Variants in TBC1D1 observed in about 807,000 individuals in gnomAD.
The protein encoded by TBC1D1 is TBC1 domain family member 1.
A neutral mutation model predicts 125.6 loss-of-function variants in TBC1D1; 89 were observed. The observed-to-expected ratio is 0.71, with a 90% CI of 0.60 to 0.85. The LOEUF (loss-of-function observed/expected upper bound fraction) is 0.85. Ranked by LOEUF, TBC1D1 falls within the 40% of genes least tolerant of loss-of-function variation. The pLI, the probability that TBC1D1 is intolerant of heterozygous loss-of-function variation, is 0.00. For missense variants in TBC1D1, 1,377 were observed against 1,469.2 expected (o/e 0.94, Z 1.03); for synonymous variants, 565 against 564.1 (o/e 1.00, Z -0.02).
At chr4:38,040,071 A>T (rs1748051826) in intron 8 of TBC1D1, among the ~76,000 whole-genome samples, 1 of 152,178 alleles carries the variant, frequency 6.6e-6, no homozygotes, top group Non-Finnish European at 1.5e-5. Context: ...ATTATTTTTT[A>T]AATGCAATTT....
intron 15 of TBC1D1, among the ~76,000 whole-genome samples, chr4:38,109,658 A>G (rs950538319): frequency 8.3e-5 from 12 of 144,220 alleles, no homozygotes; most frequent in Admixed American, 8.3e-4. Context: ...GACTCATTCA[A>G]GTGTTTCCCA....
chr4:38,000,485 C>T (rs1403834701), intron 2 of TBC1D1, among the ~76,000 whole-genome samples: 1 of 152,180 alleles, frequency 6.6e-6, no homozygotes, highest in Non-Finnish European at 1.5e-5. Flanking sequence ...CTCTGATGAG[C>T]ATTTCCTTTG....
intron 2 of TBC1D1, among the ~76,000 whole-genome samples, chr4:37,925,185 C>T (rs1194046129): frequency 1.3e-5 from 2 of 152,194 alleles, no homozygotes; most frequent in African/African-American, 2.4e-5. Context: ...TGTTCTCTCC[C>T]GTGAATTCGA....
At chr4:37,964,652 G>A (rs1403248957) in intron 2 of TBC1D1, among the ~76,000 whole-genome samples, 1 of 152,188 alleles carries the variant, frequency 6.6e-6, no homozygotes, top group Admixed American at 6.5e-5. Context: ...ACAAGGGGCA[G>A]CCTACTGCGG....
chr4:38,103,928 G>A (rs111786577), intron 15 of TBC1D1, among the ~76,000 whole-genome samples: 7,077 of 151,978 alleles, frequency 0.047, 581 homozygotes, highest in African/African-American at 0.16. Context: ...GGGAGGCCAA[G>A]GCTGGTGGAT....
intron 19 of TBC1D1, among the ~76,000 whole-genome samples, chr4:38,136,286 G>A (rs16994259): frequency 0.062 from 9,404 of 152,238 alleles, 712 homozygotes; most frequent in African/African-American, 0.18. Flanking sequence ...TGAGGATGTA[G>A]ACTGAGTGAG....
intron 15 of TBC1D1, among the ~76,000 whole-genome samples, chr4:38,106,731 T>C (rs191702896): frequency 6.6e-6 from 1 of 152,290 alleles, no homozygotes; most frequent in East Asian, 1.9e-4. Flanking sequence ...CAGCCCCTGC[T>C]TCTTGTTGCT....
At chr4:37,976,145 A>C (rs1402636852) in intron 2 of TBC1D1, among the ~76,000 whole-genome samples, 1 of 152,196 alleles carries the variant, frequency 6.6e-6, no homozygotes, top group Non-Finnish European at 1.5e-5. Flanking sequence ...GGGGATACAA[A>C]CTGCCATTTT....
At chr4:38,107,585 T>G (rs1227232237) in intron 15 of TBC1D1, among the ~76,000 whole-genome samples, 1 of 142,406 alleles carries the variant, frequency 7.0e-6, no homozygotes, top group Non-Finnish European at 1.5e-5. Context: ...AGGTTTTTTT[T>G]TTTTTTTTTT....
chr4:37,934,539 G>A lies in TBC1D1; in HGVS notation c.417+32027G>A, dbSNP rs181208488. Among the ~76,000 whole-genome samples, 255 of 152,300 alleles carry A rather than the reference G, an allele frequency of 1.7e-3. 1 individual carries two copies. The highest frequency in any genetic ancestry group is 5.0e-3 in the South Asian group (24 of 4,820). ...CGTCATCCGTCCTGGTTGTGTCCCA[G>A]GCCTGAGAGTTGATGCATATGGCTT... On this transcript the variant is annotated intron_variant, in intron 2 of 19. Coordinates refer to ENST00000261439, the MANE Select transcript of TBC1D1 (RefSeq NM_015173.4).
intron 19 of TBC1D1, among the ~76,000 whole-genome samples, chr4:38,136,594 T>G (rs147176088): frequency 3.9e-5 from 6 of 152,312 alleles, no homozygotes; most frequent in Non-Finnish European, 7.4e-5. Flanking sequence ...AATTTCAGAT[T>G]AGAGGATTGT....
At chr4:38,018,071 G>A (rs1249773069) in intron 3 of TBC1D1, among the ~76,000 whole-genome samples, 2 of 152,148 alleles carry the variant, frequency 1.3e-5, no homozygotes, top group Admixed American at 1.3e-4. Flanking sequence ...TCACTTATGC[G>A]GAGACCTCAG....
At chr4:38,059,242 G>C (rs1427924887) in intron 12 of TBC1D1, among the ~76,000 whole-genome samples, 4 of 152,110 alleles carry the variant, frequency 2.6e-5, no homozygotes, top group African/African-American at 9.7e-5. Flanking sequence ...ACAGTGACCA[G>C]TTGGTCTCTT....
intron 12 of TBC1D1, among the ~76,000 whole-genome samples, chr4:38,088,749 C>T (rs919159630): frequency 2.0e-5 from 3 of 152,084 alleles, no homozygotes; most frequent in African/African-American, 7.2e-5. Flanking sequence ...CTCTGTCATA[C>T]CCACTTGACA....
chr4:38,060,898 G>T (rs1368337816), intron 12 of TBC1D1, among the ~76,000 whole-genome samples: 1 of 152,200 alleles, frequency 6.6e-6, no homozygotes, highest in Admixed American at 6.5e-5. Context: ...GCAGGGCTTA[G>T]AATAAACAAC....
At chr4:38,081,876 T>C (rs1756626247) in intron 12 of TBC1D1, among the ~76,000 whole-genome samples, 1 of 152,182 alleles carries the variant, frequency 6.6e-6, no homozygotes, top group Admixed American at 6.5e-5. Context: ...TGCTTTTGTG[T>C]CCATTACCCC....
chr4:37,912,318 G>A lies in TBC1D1; in HGVS notation c.417+9806G>A, dbSNP rs959653571. On this transcript the variant is annotated intron_variant, in intron 2 of 19. Coordinates refer to ENST00000261439, the MANE Select transcript of TBC1D1 (RefSeq NM_015173.4). ...TACTGGCAGTTTCCCAGGCCAATGG[G>A]TTGGGTGAGGATTGAATGTATGCTG... 7.9e-5 allele frequency among the ~76,000 whole-genome samples: 12 copies of A among 152,326 alleles called. No homozygotes were observed. In the Middle Eastern group the frequency reaches 0.01, roughly 130 times the overall value.
chr4:38,044,628 A>T, intron 9 of TBC1D1, 138 bp downstream of exon 9: 1 of 888,720 alleles, frequency 1.1e-6, no homozygotes, highest in East Asian at 2.9e-5. Context: ...TCTCAGGCTT[A>T]TAACAGTATT....
At chr4:38,021,791 A>C (rs1744095694) in intron 6 of TBC1D1, 73 bp downstream of exon 6, 266 of 1,375,572 alleles carry the variant, frequency 1.9e-4, no homozygotes, top group Non-Finnish European at 2.3e-4. Context: ...GATGATACTC[A>C]TCTGTTGGAA....
Sources: gnomAD v4.1 joint callset for allele counts (sites outside exome capture counted in the v4.1 genomes callset) on GRCh38, gnomAD v4.1.1 for gene constraint, MANE v1.5 for transcripts, NCBI Gene and HGNC (gene_info 2026-07-23, HGNC 2026-07-21) for gene names.